The following CPNE8 variants were observed in gnomAD, a reference collection of about 807,000 sequenced individuals.
CPNE8 encodes the protein copine 8.
CPNE8 carries 45 observed loss-of-function variants against 81.5 expected under a neutral mutation model. The observed-to-expected ratio is 0.55, with a 90% CI of 0.44 to 0.71. CPNE8 has a LOEUF of 0.71. Among genes scored for constraint, CPNE8 ranks in the 30% least tolerant of loss-of-function variants. CPNE8 has a pLI of 0.00. For missense variants in CPNE8, 594 were observed against 672.1 expected, an observed-to-expected ratio of 0.88 and a Z score of 1.28; for synonymous variants, 252 against 226.3, an observed-to-expected ratio of 1.11 and a Z score of -1.02.
chr12:38,874,267 T>G (rs1019020460), intron 2 of CPNE8, among the ~76,000 whole-genome samples: 3 of 152,172 alleles, frequency 2.0e-5, no homozygotes, highest in Non-Finnish European at 4.4e-5. Flanking sequence ...TTGGAGTCAT[T>G]TGCATTCTCA....
chr12:38,709,011 AT>A (rs560049514), intron 13 of CPNE8, among the ~76,000 whole-genome samples: 62 of 152,334 alleles, frequency 4.1e-4, no homozygotes, highest in African/African-American at 1.5e-3. Context: ...TGACAAACAG[AT>A]TCACATCCAC....
At chr12:38,817,272 A>T (rs1943041523) in intron 6 of CPNE8, among the ~76,000 whole-genome samples, 1 of 152,218 alleles carries the variant, frequency 6.6e-6, no homozygotes, top group Non-Finnish European at 1.5e-5. Flanking sequence ...AATAAGGGGA[A>T]AAAAACAGAA....
chr12:38,694,257 G>T (rs1342022496), intron 14 of CPNE8, among the ~76,000 whole-genome samples: 1 of 152,112 alleles, frequency 6.6e-6, no homozygotes, highest in Non-Finnish European at 1.5e-5. Context: ...AATTATGAAG[G>T]CTTCCTATAA....
rs60702724 is a variant in CPNE8, at chr12:38,736,234, T to TGTGTGTGTGTGTGTGTGTGTGTG, written c.723-5877_723-5876insCACACACACACACACACACACAC. Among the ~76,000 whole-genome samples, 782 of 148,810 alleles carry TGTGTGTGTGTGTGTGTGTGTGTG rather than the reference T, an allele frequency of 5.3e-3. 5 individuals carry two copies. Among genetic ancestry groups the TGTGTGTGTGTGTGTGTGTGTGTG allele is most frequent in the African/African-American group, 0.013 (547 of 40,546 alleles). Reference sequence around the variant, plus strand: ...GGGTGTATATATGTGTGTGTGTGTGTTGTGTGTGTATTACACTTCTATAAT... The same window carrying TGTGTGTGTGTGTGTGTGTGTGTG: ...GGGTGTATATATGTGTGTGTGTGTGTGTGTGTGTGTGTGTGTGTGTGTGTGTGTGTGTATTACACTTCTATAAT... On this transcript the variant is annotated intron_variant, in intron 10 of 19. Transcript: ENST00000331366.
intron 10 of CPNE8, among the ~76,000 whole-genome samples, chr12:38,741,810 T>A (rs1290185306): frequency 9.5e-6 from 1 of 105,346 alleles, no homozygotes; most frequent in Non-Finnish European, 2.2e-5. Flanking sequence ...TACAAAGAAC[T>A]CAAACAAATT....
chr12:38,686,261 A>G (rs772953740), intron 15 of CPNE8, among the ~76,000 whole-genome samples: 2 of 152,174 alleles, frequency 1.3e-5, no homozygotes, highest in Non-Finnish European at 2.9e-5. Context: ...AAGACAAGGC[A>G]AAAGGAAAGG....
At chr12:38,814,272 T>TA (rs924244885) in intron 6 of CPNE8, among the ~76,000 whole-genome samples, 3 of 145,288 alleles carry the variant, frequency 2.1e-5, no homozygotes, top group African/African-American at 7.5e-5. Flanking sequence ...GTAGTGAGAT[T>TA]AAAAAAACTG....
chr12:38,743,406 T>C (rs1048525948), intron 10 of CPNE8, among the ~76,000 whole-genome samples: 4 of 152,132 alleles, frequency 2.6e-5, no homozygotes, highest in Non-Finnish European at 2.9e-5. Context: ...TAAATCTTAA[T>C]GTAGACTATA....
intron 10 of CPNE8, among the ~76,000 whole-genome samples, chr12:38,742,056 A>C (rs1459351393): frequency 6.6e-6 from 1 of 152,148 alleles, no homozygotes. Flanking sequence ...AGAAATAGGA[A>C]CACTTTTATA....
At chr12:38,797,079 G>A (rs1002225632) in intron 6 of CPNE8, among the ~76,000 whole-genome samples, 5 of 152,186 alleles carry the variant, frequency 3.3e-5, no homozygotes, top group African/African-American at 9.7e-5. Context: ...ACAGCTCAAG[G>A]AGGCCTGCCT....
intron 15 of CPNE8, among the ~76,000 whole-genome samples, chr12:38,685,908 C>G (rs146995905): frequency 6.6e-6 from 1 of 151,780 alleles, no homozygotes; most frequent in Admixed American, 6.6e-5. Flanking sequence ...CCACAACAGC[C>G]TAAAATTAAT....
chr12:38,736,374 A>G (rs563136356), intron 10 of CPNE8, among the ~76,000 whole-genome samples: 139 of 151,914 alleles, frequency 9.1e-4, no homozygotes, highest in African/African-American at 3.3e-3. Context: ...AGAACAAATC[A>G]CATTTTCTAA....
chr12:38,788,567 C>A (rs1405569153), intron 6 of CPNE8, among the ~76,000 whole-genome samples: 1 of 151,872 alleles, frequency 6.6e-6, no homozygotes, highest in Non-Finnish European at 1.5e-5. Context: ...TGCCTACTTT[C>A]ACCACTGTTA....
At chr12:38,707,684 G>C (rs984260755) in intron 13 of CPNE8, among the ~76,000 whole-genome samples, 4 of 152,204 alleles carry the variant, frequency 2.6e-5, no homozygotes, top group African/African-American at 9.6e-5. Context: ...GACAAGATTT[G>C]ATTAATTCTT....
intron 7 of CPNE8, among the ~76,000 whole-genome samples, chr12:38,774,011 A>G (rs1941865834): frequency 6.6e-6 from 1 of 152,168 alleles, no homozygotes; most frequent in African/African-American, 2.4e-5. Flanking sequence ...TGACTCATTG[A>G]AAGATAATTC....
intron 6 of CPNE8, among the ~76,000 whole-genome samples, chr12:38,779,444 T>A (rs1214210863): frequency 3.3e-5 from 5 of 152,280 alleles, no homozygotes; most frequent in South Asian, 4.1e-4. Flanking sequence ...ATGAGTTATA[T>A]ATAAACATTC....
intron 8 of CPNE8, among the ~76,000 whole-genome samples, chr12:38,766,541 G>T (rs1024278480): frequency 2.6e-5 from 4 of 152,236 alleles, no homozygotes; most frequent in African/African-American, 7.2e-5. Flanking sequence ...CTCAGTAGCT[G>T]CATCAACAAA....
chr12:38,667,284 G>A (rs1274810378), intron 19 of CPNE8, among the ~76,000 whole-genome samples: 1 of 152,060 alleles, frequency 6.6e-6, no homozygotes, highest in Non-Finnish European at 1.5e-5. Context: ...TCTGACCAGG[G>A]GAAGATTGAA....
intron 6 of CPNE8, among the ~76,000 whole-genome samples, chr12:38,785,406 A>G (rs1942160436): frequency 6.6e-6 from 1 of 152,048 alleles, no homozygotes; most frequent in Non-Finnish European, 1.5e-5. Context: ...CCCAAATCTC[A>G]TCTTGAATTA....
Sources: gnomAD v4.1 joint callset for allele counts (sites outside exome capture counted in the v4.1 genomes callset) on GRCh38, gnomAD v4.1.1 for gene constraint, MANE v1.5 for transcripts, NCBI Gene and HGNC (gene_info 2026-07-23, HGNC 2026-07-21) for gene names.